The following CCNL1 variants were observed in gnomAD, a reference collection of about 807,000 sequenced individuals.
The protein encoded by CCNL1 is cyclin-L1.
CCNL1 carries 13 observed loss-of-function variants against 60.6 expected under a neutral mutation model. The observed-to-expected ratio is 0.21, with a 90% confidence interval of 0.14 to 0.34. The LOEUF is 0.34. Among genes scored for constraint, CCNL1 ranks in the 10% least tolerant of loss-of-function variants. The pLI is 1.00. For missense variants in CCNL1, 481 were observed against 664.3 expected (o/e 0.72, Z 3.03); for synonymous variants, 270 against 244.3 (o/e 1.10, Z -0.98).
chr3:157,159,774 C>G lies in CCNL1; in HGVS notation c.303+18G>C. On this transcript the variant is annotated intron_variant, in intron 1 of 10. Transcript: ENST00000295926. Reference sequence around the variant, plus strand: ...AGAGGAGAGGAGCGCCCGGCCGGCCCGGGGCCGGAGCACTGACCTGCGGCA... The same window carrying G: ...AGAGGAGAGGAGCGCCCGGCCGGCCGGGGGCCGGAGCACTGACCTGCGGCA... The G allele has an allele frequency of 6.6e-7, 1 of 1,516,144 alleles. No individual in the cohort carries two copies. The highest frequency in any genetic ancestry group is 8.9e-7 in the Non-Finnish European group (1 of 1,125,490). 93.9% of individuals were successfully genotyped at this position (1,516,144 alleles called of 1,614,324 possible).
Position 157,160,044 on chromosome 3 carries a change from C to G in CCNL1, c.51G>C (p.Ser17=). 1.9e-6 allele frequency: 3 copies of G among 1,564,340 alleles called. No homozygotes were observed. The highest frequency in any genetic ancestry group is 1.7e-6 in the Non-Finnish European group (2 of 1,154,644). The change falls in exon 1 of 11, where the codon TCG becomes TCC. Residue 17 remains serine (S), a synonymous_variant. Transcript: ENST00000295926. The part of the protein sequence containing the change: ...STATAAAAAS[S]AAPSAGGSSS... ...TGGAGCCGCCCGCGCTTGGGGCGGC[C>G]GATGAGGCGGCTGCGGCAGCAGTAG...
intron 2 of CCNL1, 54 bp from the exon 3 acceptor site, chr3:157,159,029 G>T: frequency 1.6e-6 from 2 of 1,221,318 alleles, no homozygotes; most frequent in South Asian, 1.3e-5. Context: ...TCACTTTGAA[G>T]AATAAAATTT....
intron 5 of CCNL1, 126 bp downstream of exon 5, chr3:157,152,051 A>G (rs1738236478): frequency 4.0e-6 from 6 of 1,492,700 alleles, no homozygotes; most frequent in Non-Finnish European, 2.7e-6. Context: ...TTAAAAAAAC[A>G]AAACAAAAAA....
intron 3 of CCNL1, 40 bp from the exon 4 acceptor site, chr3:157,153,196 A>G: frequency 1.3e-6 from 2 of 1,575,718 alleles, no homozygotes; most frequent in Non-Finnish European, 1.7e-6. Flanking sequence ...TGTTTTGCAC[A>G]TCCAAAAAAT....
chr3:157,150,178 T>C lies in CCNL1; in HGVS notation c.775-9A>G, dbSNP rs1738070109. 6.2e-7 allele frequency: 1 copy of C among 1,611,062 alleles called. No individual in the cohort carries two copies. ...CGAGTTGGCAACGGAATCTAAACCA[T>C]AAGAACAGAATGTTTTAAATTAAAT... On this transcript the variant is annotated splice_polypyrimidine_tract_variant and intron_variant, in intron 6 of 10. Transcript: ENST00000295926.
At chr3:157,159,144 A>C in intron 2 of CCNL1, 169 bp from the exon 3 acceptor site, 1 of 630,290 alleles carries the variant, frequency 1.6e-6, no homozygotes, top group Non-Finnish European at 2.8e-6. Flanking sequence ...AACTCATCTT[A>C]ATTTTGGTTC....
At chr3:157,152,278 T>C in intron 4 of CCNL1, 37 bp from the exon 5 acceptor site, 14 of 1,585,312 alleles carry the variant, frequency 8.8e-6, no homozygotes, top group Non-Finnish European at 1.2e-5. Flanking sequence ...TTCAGTATAC[T>C]GGTAGTTCTT....
At chr3:157,153,916 C>G (rs989359767) in intron 3 of CCNL1, 1 of 152,062 alleles carries the variant, frequency 6.6e-6, no homozygotes, top group African/African-American at 2.4e-5. Context: ...TTTAAAACTC[C>G]ACGTGACCCA....
chr3:157,157,384 G>A (rs1038859452), intron 3 of CCNL1, among the ~76,000 whole-genome samples: 18 of 119,354 alleles, frequency 1.5e-4, no homozygotes, highest in African/African-American at 6.1e-4. Flanking sequence ...TAACATCAAC[G>A]AAGTAAACTA....
In CCNL1 at chr3:157,148,319, T is replaced by A. The variant is rs755672783; in HGVS notation, c.1503A>T (p.Arg501=). 9 of 1,614,182 alleles carry A rather than the reference T, an allele frequency of 5.6e-6. No individual in the cohort carries two copies. In the South Asian group the frequency reaches 8.8e-5, roughly 16 times the overall value. The change falls in exon 11 of 11, where the codon CGA becomes CGT. Residue 501 remains arginine, a synonymous_variant. Transcript: ENST00000295926. ...ERGHHRDRRE[R]SRSFERSHKS... is the part of the protein sequence containing the mutation. Reference sequence around the variant, plus strand: ...TATGGGACCTCTCAAAGGAGCGAGATCGTTCACGCCTGTCCCTATGATGTC... The same window carrying A: ...TATGGGACCTCTCAAAGGAGCGAGAACGTTCACGCCTGTCCCTATGATGTC...
intron 4 of CCNL1, 131 bp downstream of exon 4, chr3:157,152,905 G>T: frequency 6.7e-7 from 1 of 1,491,416 alleles, no homozygotes; most frequent in East Asian, 2.6e-5. Context: ...TTTCGATGAA[G>T]CCTGAACCTT....
rs1197624561 is a variant in CCNL1, at chr3:157,148,528, T to G, written c.1294A>C (p.Ser432Arg). Residue 432 changes from serine to arginine, a missense_variant, in exon 11 of 11, where the codon AGT (serine) becomes CGT (arginine). Coordinates refer to ENST00000295926, the MANE Select transcript of CCNL1 (RefSeq NM_020307.4). The stretch of plus-strand genomic sequence containing the variant: ...TGTCTTCGAGGGCTTTCACTGTGAC[T>G]GCGGGACCTGCTTCTTGATCTCGAG... ...YSSRSRSRSR[S>R]HSESPRRHHN... is the part of the protein sequence containing the mutation. The G allele has an allele frequency of 6.2e-7, 1 of 1,614,042 alleles. No homozygotes were observed. The highest frequency in any genetic ancestry group is 1.6e-4 in the Middle Eastern group (1 of 6,084).
intron 2 of CCNL1, 69 bp from the exon 3 acceptor site, chr3:157,159,044 C>T (rs1265270889): frequency 4.8e-6 from 5 of 1,044,212 alleles, no homozygotes; most frequent in Non-Finnish European, 5.9e-6. Context: ...AAATTTAGAA[C>T]ACAATTGGGA....
In CCNL1 at chr3:157,159,385, C is replaced by G. The variant is rs1428150588; in HGVS notation, c.378+20G>C. On this transcript the variant is annotated intron_variant, in intron 2 of 10. Coordinates refer to ENST00000295926, the MANE Select transcript of CCNL1 (RefSeq NM_020307.4). ...TTTCCGGATGAAGAAATCCCTTTTA[C>G]CCGCCTCCGCTGTGCTTACCTCGAA... The G allele has an allele frequency of 6.2e-7, 1 of 1,612,810 alleles. No individual in the cohort carries two copies. Among genetic ancestry groups the G allele is most frequent in the Admixed American group, 1.7e-5 (1 of 59,990 alleles).
intron 3 of CCNL1, chr3:157,156,846 C>A: frequency 9.2e-7 from 1 of 1,089,776 alleles, no homozygotes; most frequent in South Asian, 1.5e-5. Flanking sequence ...AAAATAAATA[C>A]AAAGCTATAG....
At chr3:157,145,461 A>C (rs1404672037), downstream of CCNL1, among the ~76,000 whole-genome samples, 1 of 148,300 alleles carries the variant, frequency 6.7e-6, no homozygotes, top group Non-Finnish European at 1.5e-5. Flanking sequence ...AAAAAAAAAA[A>C]AAACCAAAAC....
chr3:157,150,460 C>G (rs1738098470), intron 5 of CCNL1, 79 bp from the exon 6 acceptor site: 1 of 1,515,350 alleles, frequency 6.6e-7, no homozygotes, highest in Non-Finnish European at 8.9e-7. Flanking sequence ...GAGACTCAAT[C>G]TACTTTATTC....
chr3:157,159,251 A>G, intron 2 of CCNL1, 154 bp downstream of exon 2: 3 of 709,666 alleles, frequency 4.2e-6, no homozygotes, highest in Non-Finnish European at 4.8e-6. Flanking sequence ...TTTGAACCAC[A>G]TTCTAAAGGT....
In CCNL1 at chr3:157,159,401, T is replaced by G. The variant is rs180972021; in HGVS notation, c.378+4A>C. 244 of 1,613,964 alleles carry G rather than the reference T, an allele frequency of 1.5e-4. 1 individual carries two copies. Among genetic ancestry groups the G allele is most frequent in the Non-Finnish European group, 1.2e-4 (138 of 1,179,846 alleles). ...TCCCTTTTACCCGCCTCCGCTGTGC[T>G]TACCTCGAAACTGTGTTTGACGAAA... On this transcript the variant is annotated splice_donor_region_variant and intron_variant, in intron 2 of 10. Transcript: ENST00000295926.
Sources: gnomAD v4.1 joint callset for allele counts (sites outside exome capture counted in the v4.1 genomes callset) on GRCh38, gnomAD v4.1.1 for gene constraint, MANE v1.5 for transcripts, NCBI Gene and HGNC (gene_info 2026-07-23, HGNC 2026-07-21) for gene names.